TBC1D16: variants seen among roughly 807,000 people sequenced by gnomAD.
TBC1D16 encodes TBC1 domain family member 16.
In TBC1D16, 58 loss-of-function variants were observed where a neutral mutation model predicts 74.7. The observed-to-expected ratio is 0.78, with a 90% CI of 0.63 to 0.97. The LOEUF is 0.97. TBC1D16 is among the 50% of genes least tolerant of loss of function. The probability of loss-of-function intolerance (pLI) is 0.00; values close to 1 mark genes in which losing one functional copy is unlikely to be tolerated. For missense variants in TBC1D16, 1,014 were observed against 1,079.5 expected (o/e 0.94, Z 0.85); for synonymous variants, 493 against 474.7 (o/e 1.04, Z -0.50).
At chr17:79,996,708 C>G (rs2035284698) in intron 3 of TBC1D16, among the ~76,000 whole-genome samples, 1 of 152,100 alleles carries the variant, frequency 6.6e-6, no homozygotes. Context: ...TGGCAAAAAC[C>G]CTGTCTCTAT....
chr17:79,950,451 T>C lies in TBC1D16; in HGVS notation c.1217A>G (p.Asn406Ser). The C allele has an allele frequency of 6.2e-7, 1 of 1,612,942 alleles. No homozygotes were observed. Among genetic ancestry groups the C allele is most frequent in the Non-Finnish European group, 8.5e-7 (1 of 1,179,898 alleles). Reference protein sequence around the residue: ...LGVSAWLNHLNELGQVEEEYK... With the variant: ...LGVSAWLNHLSELGQVEEEYK... ...CTCCTCCTCCACCTGGCCCAGCTCATTCAGGTGGTTGAGCCAGGCGGAGAC... is the reference window on the plus strand; with the variant it reads ...CTCCTCCTCCACCTGGCCCAGCTCACTCAGGTGGTTGAGCCAGGCGGAGAC... Residue 406 changes from asparagine to serine, a missense_variant, in exon 6 of 12, where the codon AAT (asparagine) becomes AGT (serine). Physicochemically the swap from Asn to Ser is conservative, Grantham distance 46 (BLOSUM62 1). Coordinates refer to ENST00000310924, the MANE Select transcript of TBC1D16 (RefSeq NM_019020.4). The surrounding 1 kb of genome is among the most constrained non-coding windows in gnomAD (Gnocchi z 4.6).
intron 1 of TBC1D16, among the ~76,000 whole-genome samples, chr17:80,016,010 CA>C (rs60327293): frequency 0.25 from 22,606 of 89,142 alleles, 1,358 homozygotes; most frequent in Non-Finnish European, 0.31. Context: ...GACTCCATCT[CA>C]AAAAAAAAAA....
intron 10 of TBC1D16, among the ~76,000 whole-genome samples, chr17:79,942,445 G>A (rs1166625604): frequency 6.6e-6 from 1 of 151,832 alleles, no homozygotes. Context: ...GTGACATCCA[G>A]AGGGGACGAT....
rs574327635 is a variant in TBC1D16 at position 79,944,476 on chromosome 17, A to G, written c.1908+432T>C. 8.5e-5 allele frequency among the ~76,000 whole-genome samples: 13 copies of G among 152,248 alleles called. No homozygotes were observed. In the South Asian group the frequency reaches 2.3e-3, roughly 27 times the overall value. On this transcript the variant is annotated intron_variant, in intron 10 of 11. Transcript: ENST00000310924. This position sits in a 1 kb window ranked among gnomAD's most constrained non-coding sequence, Gnocchi z 7.7. ...GGCCCTCTGGAGGGGCCGACAGGGA[A>G]GTGGGATCTCAGGCCCTTTCTCTGC... is the stretch of plus-strand genomic sequence containing the variant.
intron 1 of TBC1D16, among the ~76,000 whole-genome samples, chr17:80,028,627 ATT>A (rs139546060): frequency 2.1e-5 from 3 of 142,274 alleles, no homozygotes; most frequent in Admixed American, 1.4e-4. Context: ...TGACCAGTTG[ATT>A]TTTTTTTTTT....
chr17:79,978,271 C>G (rs1475446114), intron 3 of TBC1D16, among the ~76,000 whole-genome samples: 2 of 152,246 alleles, frequency 1.3e-5, no homozygotes, highest in Non-Finnish European at 1.5e-5. Context: ...CTGCTGGGAA[C>G]TGGGAAGGCA....
rs886183411 is a variant in TBC1D16, at chr17:80,000,866, A to G, written c.779+9294T>C. On this transcript the variant is annotated intron_variant, in intron 3 of 11. Coordinates refer to ENST00000310924, the MANE Select transcript of TBC1D16 (RefSeq NM_019020.4). This position sits in a 1 kb window ranked among gnomAD's most constrained non-coding sequence, Gnocchi z 4.1. ...ACAGCTGGGTCTCTGACCAAAGCTCACTTACAGGCCTCACCCAACCAAGCC... is the reference window on the plus strand; with the variant it reads ...ACAGCTGGGTCTCTGACCAAAGCTCGCTTACAGGCCTCACCCAACCAAGCC... 2.6e-5 allele frequency among the ~76,000 whole-genome samples: 4 copies of G among 152,198 alleles called. No homozygotes were observed. The highest frequency in any genetic ancestry group is 9.6e-5 in the African/African-American group (4 of 41,452).
Position 80,025,601 on chromosome 17 carries a change from T to C in TBC1D16, c.-63+10194A>G, listed in dbSNP as rs539661685. Among the ~76,000 whole-genome samples the C allele has an allele frequency of 5.8e-4, 60 of 103,580 alleles. No individual in the cohort carries two copies. The South Asian group carries it at 0.013, about 23-fold the overall frequency. The allele number at this position is 103,580 out of a possible 152,430, so 68.0% of individuals were successfully genotyped here. The stretch of plus-strand genomic sequence containing the variant: ...GCAGCCGCCTGCTGGGAGCACCTCC[T>C]TGCTGGAAGCACCCCCCTGCCAGGA... On this transcript the variant is annotated intron_variant, in intron 1 of 11. Coordinates refer to ENST00000310924, the MANE Select transcript of TBC1D16 (RefSeq NM_019020.4).
Position 79,939,587 on chromosome 17 carries a change from G to C in TBC1D16, c.*1272C>G, listed in dbSNP as rs933586337. The C allele has an allele frequency of 1.4e-4, 22 of 152,208 alleles. No individual in the cohort carries two copies. The highest frequency in any genetic ancestry group is 5.1e-4 in the African/African-American group (21 of 41,426). The allele number at this position is 152,208 out of a possible 1,614,324, so 9.4% of individuals were successfully genotyped here. A position where few individuals can be genotyped will look rare whatever the true frequency, so the allele number is the denominator to read the frequency against. ...ATTTGGTCTCCTCGCTCAAGGAGTG[G>C]CTTTCTGTGCAAATGGCTCGACACT... On this transcript the variant is annotated 3_prime_UTR_variant, in exon 12 of 12. Transcript: ENST00000310924.
chr17:79,941,226 A>G lies in TBC1D16; in HGVS notation c.2056-119T>C. ...ACAACGGCCTGCACCTCGGGGGCTC[A>G]CCGAGTCCTGGACTGAGGGCTCTGC... On this transcript the variant is annotated intron_variant, in intron 11 of 11. Transcript: ENST00000310924. The surrounding 1 kb of genome is among the most constrained non-coding windows in gnomAD (Gnocchi z 4.3). The G allele has an allele frequency of 3.9e-6, 4 of 1,013,650 alleles. No individual in the cohort carries two copies. Among genetic ancestry groups the G allele is most frequent in the Non-Finnish European group, 5.7e-6 (4 of 702,406 alleles). 62.8% of individuals were successfully genotyped at this position (1,013,650 alleles called of 1,614,324 possible). A position where few individuals can be genotyped will look rare whatever the true frequency, so the allele number is the denominator to read the frequency against.
Position 79,990,282 on chromosome 17 carries a change from C to T in TBC1D16, c.779+19878G>A, listed in dbSNP as rs954904261. On this transcript the variant is annotated intron_variant, in intron 3 of 11. Coordinates refer to ENST00000310924, the MANE Select transcript of TBC1D16 (RefSeq NM_019020.4). This position sits in a 1 kb window ranked among gnomAD's most constrained non-coding sequence, Gnocchi z 4.8. ...TGACGGGTCTCGGGCGCCCAGCCAG[C>T]GAGGGGCCGGCTCCAGGTGGTGGGA... 1.3e-5 allele frequency among the ~76,000 whole-genome samples: 2 copies of T among 152,230 alleles called. No homozygotes were observed. Among genetic ancestry groups the T allele is most frequent in the African/African-American group, 4.8e-5 (2 of 41,462 alleles).
In TBC1D16 at chr17:79,982,366, G is replaced by T. The variant is rs1196846371; in HGVS notation, c.779+27794C>A. Among the ~76,000 whole-genome samples, 3 of 151,362 alleles carry T rather than the reference G, an allele frequency of 2.0e-5. No homozygotes were observed. The East Asian group carries it at 6.0e-4, about 30-fold the overall frequency. On this transcript the variant is annotated intron_variant, in intron 3 of 11. Coordinates refer to ENST00000310924, the MANE Select transcript of TBC1D16 (RefSeq NM_019020.4). ...TCACCATGTTGGCCAGGCTGGTCTTGAACTCCTGACCTCGTGATCCACCCA... is the reference window on the plus strand; with the variant it reads ...TCACCATGTTGGCCAGGCTGGTCTTTAACTCCTGACCTCGTGATCCACCCA...
At position 79,971,024 on chromosome 17, in the gene TBC1D16, ATT is replaced by A. The variant is rs199724317; in HGVS notation, c.780-18208_780-18207del. Reference sequence around the variant, plus strand: ...ATTAATATACACTCCCTGTATTTTTATTTTTTATTTTTTTTTGAGATGGAGTC... The same window carrying A: ...ATTAATATACACTCCCTGTATTTTTATTTTATTTTTTTTTGAGATGGAGTC... On this transcript the variant is annotated intron_variant, in intron 3 of 11. Coordinates refer to ENST00000310924, the MANE Select transcript of TBC1D16 (RefSeq NM_019020.4). The surrounding 1 kb of genome is among the most constrained non-coding windows in gnomAD (Gnocchi z 4.6). Among the ~76,000 whole-genome samples, 1 of 144,152 alleles carries A rather than the reference ATT, an allele frequency of 6.9e-6. No homozygotes were observed. The highest frequency in any genetic ancestry group is 1.5e-5 in the Non-Finnish European group (1 of 66,148). The allele number at this position is 144,152 out of a possible 152,430, so 94.6% of individuals were successfully genotyped here. A position where few individuals can be genotyped will look rare whatever the true frequency, so the allele number is the denominator to read the frequency against.
chr17:79,970,198 A>G (rs531175662), intron 3 of TBC1D16, among the ~76,000 whole-genome samples: 1 of 152,352 alleles, frequency 6.6e-6, no homozygotes, highest in Admixed American at 6.5e-5. Flanking sequence ...CACGTGTTCT[A>G]TGATTTCATT....
At chr17:80,031,489 G>A (rs896205322) in intron 1 of TBC1D16, among the ~76,000 whole-genome samples, 1 of 151,902 alleles carries the variant, frequency 6.6e-6, no homozygotes, top group Non-Finnish European at 1.5e-5. Flanking sequence ...AGGCTATAAC[G>A]GGGCAGGACC....
chr17:80,004,411 T>C (rs1188296839), intron 3 of TBC1D16, among the ~76,000 whole-genome samples: 1 of 152,250 alleles, frequency 6.6e-6, no homozygotes, highest in African/African-American at 2.4e-5. Context: ...TTCTCCTATC[T>C]GGCAGCACCG....
intron 3 of TBC1D16, among the ~76,000 whole-genome samples, chr17:79,991,439 G>T (rs2035054016): frequency 2.0e-5 from 3 of 152,198 alleles, no homozygotes; most frequent in East Asian, 3.9e-4. Context: ...AGAAGAGGCG[G>T]AAAGTCAGCA....
Position 79,938,402 on chromosome 17 carries a change from G to C in TBC1D16, c.*2457C>G, listed in dbSNP as rs1301634252. 1 of 152,472 alleles carries C rather than the reference G, an allele frequency of 6.6e-6. No homozygotes were observed. The highest frequency in any genetic ancestry group is 2.4e-5 in the African/African-American group (1 of 41,446). The allele number at this position is 152,472 out of a possible 1,614,324, so 9.4% of individuals were successfully genotyped here. On this transcript the variant is annotated 3_prime_UTR_variant, in exon 12 of 12. Coordinates refer to ENST00000310924, the MANE Select transcript of TBC1D16 (RefSeq NM_019020.4). ...CTGATTGGTCCGGGTCAGGTCTTGG[G>C]GAGCAGCAGGGGTGAGAAGCTGTAG...
At position 79,956,194 on chromosome 17, in the gene TBC1D16, A is replaced by G. The variant is rs935555101; in HGVS notation, c.780-3376T>C. Among the ~76,000 whole-genome samples, 3 of 152,216 alleles carry G rather than the reference A, an allele frequency of 2.0e-5. No individual in the cohort carries two copies. The highest frequency in any genetic ancestry group is 4.4e-5 in the Non-Finnish European group (3 of 68,042). ...GAGTGAACTCCAGGGAGCCCAGCGC[A>G]ACAGCCTGTCCCAGCCCAGCCCAAA... On this transcript the variant is annotated intron_variant, in intron 3 of 11. Coordinates refer to ENST00000310924, the MANE Select transcript of TBC1D16 (RefSeq NM_019020.4). This position sits in a 1 kb window ranked among gnomAD's most constrained non-coding sequence, Gnocchi z 4.0.
Sources: gnomAD v4.1 joint callset for allele counts (sites outside exome capture counted in the v4.1 genomes callset) on GRCh38, gnomAD v4.1.1 for gene constraint, Gnocchi (gnomAD v3.1) non-coding constraint, MANE v1.5 for transcripts, NCBI Gene and HGNC (gene_info 2026-07-23, HGNC 2026-07-21) for gene names.